Variants in DAB1 observed in about 807,000 individuals in gnomAD.
DAB1 encodes disabled homolog 1.
In DAB1, 15 loss-of-function variants were observed where a neutral mutation model predicts 64.6. That is an observed-to-expected ratio of 0.23 (90% confidence interval 0.16 to 0.36). The LOEUF is 0.36. DAB1 is among the 10% of genes least tolerant of loss of function. The pLI, the probability that DAB1 is intolerant of heterozygous loss-of-function variation, is 1.00. For missense variants in DAB1, 596 were observed against 706.7 expected, an observed-to-expected ratio of 0.84 and a Z score of 1.78; for synonymous variants, 235 against 251.9, an observed-to-expected ratio of 0.93 and a Z score of 0.64.
chr1:58,292,485 G>C (rs981309605), intron 4 of DAB1, among the ~76,000 whole-genome samples: 9 of 152,104 alleles, frequency 5.9e-5, no homozygotes, highest in Admixed American at 6.6e-5. Context: ...GCTGATCACT[G>C]ATAATACAGA....
At chr1:58,254,324 C>T (rs12410927) in intron 4 of DAB1, among the ~76,000 whole-genome samples, 15,626 of 152,206 alleles carry the variant, frequency 0.1, 1,158 homozygotes, top group Admixed American at 0.18. Flanking sequence ...GCCCCCTACC[C>T]CACCCACCTC....
intron 1 of DAB1, among the ~76,000 whole-genome samples, chr1:57,352,795 G>C (rs1050252668): frequency 3.3e-5 from 5 of 152,084 alleles, no homozygotes; most frequent in African/African-American, 1.2e-4. Flanking sequence ...ATTTGAATCA[G>C]TAGATTTTGA....
intron 6 of DAB1, among the ~76,000 whole-genome samples, chr1:57,711,595 T>C (rs750182192): frequency 7.9e-5 from 12 of 152,230 alleles, no homozygotes; most frequent in Non-Finnish European, 1.6e-4. Context: ...GGCATAGCAC[T>C]TAAGTGAACA....
chr1:57,422,309 G>T (rs1410777122), intron 1 of DAB1, among the ~76,000 whole-genome samples: 1 of 152,188 alleles, frequency 6.6e-6, no homozygotes, highest in Non-Finnish European at 1.5e-5. Flanking sequence ...GCGGATTCTC[G>T]CCCCGGTCCC....
At chr1:58,042,975 T>A (rs1377123316) in intron 5 of DAB1, among the ~76,000 whole-genome samples, 1 of 152,236 alleles carries the variant, frequency 6.6e-6, no homozygotes, top group Non-Finnish European at 1.5e-5. Flanking sequence ...AGGTGTTGCA[T>A]GCTAATAGCT....
intron 2 of DAB1, among the ~76,000 whole-genome samples, chr1:57,179,372 T>C (rs1446283011): frequency 6.6e-6 from 1 of 152,178 alleles, no homozygotes; most frequent in African/African-American, 2.4e-5. Flanking sequence ...CATCCAAACC[T>C]TCGTACCTGC....
intron 10 of DAB1, among the ~76,000 whole-genome samples, chr1:57,024,803 C>T (rs1646733876): frequency 6.6e-6 from 1 of 152,226 alleles, no homozygotes. Flanking sequence ...CGTTCTGCAA[C>T]TCCAAGTTCC....
intron 4 of DAB1, among the ~76,000 whole-genome samples, chr1:57,134,871 C>G (rs577267588): frequency 6.6e-6 from 1 of 152,202 alleles, no homozygotes; most frequent in South Asian, 2.1e-4. Flanking sequence ...AATAATAGTA[C>G]CATCTACATC....
intron 9 of DAB1, among the ~76,000 whole-genome samples, chr1:57,038,386 G>C (rs190764613): frequency 1.1e-4 from 17 of 152,252 alleles, no homozygotes; most frequent in Admixed American, 9.2e-4. Flanking sequence ...GTTTCAAATG[G>C]AAATCCATGA....
At chr1:58,545,577 A>C (rs1225802155) in intron 1 of DAB1, among the ~76,000 whole-genome samples, 2 of 152,206 alleles carry the variant, frequency 1.3e-5, no homozygotes, top group Non-Finnish European at 2.9e-5. Flanking sequence ...CATAGCTGGC[A>C]GACTTCTAGG....
intron 9 of DAB1, among the ~76,000 whole-genome samples, chr1:57,056,114 T>C (rs1649728416): frequency 6.6e-6 from 1 of 151,600 alleles, no homozygotes; most frequent in Admixed American, 6.6e-5. Flanking sequence ...AGCTAGAAAA[T>C]GGTAAAGCTG....
intron 1 of DAB1, among the ~76,000 whole-genome samples, chr1:57,395,043 G>T (rs1283580949): frequency 1.3e-5 from 2 of 151,846 alleles, no homozygotes; most frequent in East Asian, 3.9e-4. Flanking sequence ...TTTTTGTTTT[G>T]AGACAGAGTC....
intron 2 of DAB1, among the ~76,000 whole-genome samples, chr1:57,148,348 G>A (rs954020801): frequency 1.3e-5 from 2 of 152,178 alleles, no homozygotes; most frequent in African/African-American, 4.8e-5. Flanking sequence ...CTAGGGCCAA[G>A]CTAATTTGTA....
intron 4 of DAB1, among the ~76,000 whole-genome samples, chr1:58,214,938 G>T (rs1416343): frequency 0.19 from 29,166 of 151,984 alleles, 3,142 homozygotes; most frequent in East Asian, 0.45. Flanking sequence ...TCAGAGATGG[G>T]GTTTTCCTTC....
intron 7 of DAB1, among the ~76,000 whole-genome samples, chr1:57,488,584 G>A (rs1018066227): frequency 1.3e-5 from 2 of 150,276 alleles, no homozygotes; most frequent in Non-Finnish European, 3.0e-5. Flanking sequence ...GCTGAGGCCG[G>A]AGAATCACTT....
chr1:58,106,900 CCCT>C (rs1439359985), intron 5 of DAB1, among the ~76,000 whole-genome samples: 1 of 132,162 alleles, frequency 7.6e-6, no homozygotes, highest in Non-Finnish European at 1.6e-5. Context: ...CTTCCTCTCT[CCCT>C]CCTTCCTTCC....
chr1:57,594,609 T>C (rs988151749), intron 7 of DAB1, among the ~76,000 whole-genome samples: 1 of 152,186 alleles, frequency 6.6e-6, no homozygotes, highest in Admixed American at 6.5e-5. Flanking sequence ...AATCCTAAGC[T>C]CAATGCTATT....
At chr1:57,908,200 G>A (rs1202797) in intron 5 of DAB1, among the ~76,000 whole-genome samples, 1 of 151,816 alleles carries the variant, frequency 6.6e-6, no homozygotes, top group Admixed American at 6.6e-5. Flanking sequence ...ACCAGCCCAG[G>A]GCCCAGGTCC....
Position 58,410,613 on chromosome 1 carries a change from C to A in DAB1, n.258-67210G>T, listed in dbSNP as rs760821270. ...CATTTTCCAGATGAGAAAACTAAGACCCGTAATAGAAGCAGGATCTAAACT... is the reference window on the plus strand; with the variant it reads ...CATTTTCCAGATGAGAAAACTAAGAACCGTAATAGAAGCAGGATCTAAACT... On this transcript the variant is annotated intron_variant and non_coding_transcript_variant, in intron 3 of 20. Coordinates refer to the DAB1 transcript ENST00000485760. Among the ~76,000 whole-genome samples, 6 of 152,282 alleles carry A rather than the reference C, an allele frequency of 3.9e-5. No homozygotes were observed. In the Middle Eastern group the frequency reaches 0.01, roughly 259 times the overall value.
Sources: gnomAD v4.1 joint callset for allele counts (sites outside exome capture counted in the v4.1 genomes callset) on GRCh38, gnomAD v4.1.1 for gene constraint, MANE v1.5 for transcripts, NCBI Gene and HGNC (gene_info 2026-07-23, HGNC 2026-07-21) for gene names.